C11orf65: variants seen among roughly 807,000 people sequenced by gnomAD.
C11orf65 encodes chromosome 11 open reading frame 65.
A neutral mutation model predicts 35.3 loss-of-function variants in C11orf65; 38 were observed. The ratio of observed to expected loss-of-function variants is 1.08; its 90% CI spans 0.83 to 1.41. The LOEUF (loss-of-function observed/expected upper bound fraction) is 1.41, where lower values mean the gene tolerates loss of function less well. Ranked by LOEUF, C11orf65 falls within the 40% of genes most tolerant of loss-of-function variation. The pLI is 0.00. For missense variants in C11orf65, 370 were observed against 367.1 expected, an observed-to-expected ratio of 1.01 and a Z score of -0.06; for synonymous variants, 105 against 114.4, an observed-to-expected ratio of 0.92 and a Z score of 0.53.
chr11:108,433,453 G>A (rs945429081), intron 2 of C11orf65, among the ~76,000 whole-genome samples: 3 of 151,954 alleles, frequency 2.0e-5, no homozygotes, highest in African/African-American at 4.8e-5. Flanking sequence ...GGTGGCAGGC[G>A]CCTGCAGTCC....
In C11orf65 at chr11:108,334,931, A is replaced by G. The variant is rs200440370; in HGVS notation, c.299+289T>C. ...ATTTTTCTTTAAGTGCAAATAGTGT[A>G]TCTGACCTATTATCAATCATGTTTA... On this transcript the variant is annotated intron_variant, in intron 3 of 3. Coordinates refer to the C11orf65 transcript ENST00000524755. The G allele has an allele frequency of 3.7e-4, 591 of 1,590,306 alleles. 3 individuals are homozygous for G. In the African/African-American group the frequency reaches 6.8e-3, roughly 18 times the overall value.
chr11:108,377,320 T>G (rs1190383240), intron 2 of C11orf65, among the ~76,000 whole-genome samples: 1 of 152,158 alleles, frequency 6.6e-6, no homozygotes, highest in African/African-American at 2.4e-5. Context: ...GCCAGGCTGG[T>G]TCAATGTACG....
At chr11:108,381,276 C>A (rs1217195415), downstream of C11orf65, among the ~76,000 whole-genome samples, 1 of 152,184 alleles carries the variant, frequency 6.6e-6, no homozygotes, top group Non-Finnish European at 1.5e-5. Flanking sequence ...CTTGTTCCTA[C>A]AAGTTGAGAC....
chr11:108,413,916 CA>C (rs1425034705), intron 3 of C11orf65, among the ~76,000 whole-genome samples: 6 of 152,106 alleles, frequency 3.9e-5, no homozygotes, highest in Admixed American at 3.9e-4. Context: ...TCAGCAAAAA[CA>C]GAGCTTACAG....
intron 6 of C11orf65, among the ~76,000 whole-genome samples, chr11:108,395,053 C>G (rs1199405646): frequency 3.9e-5 from 6 of 151,962 alleles, no homozygotes; most frequent in Non-Finnish European, 8.8e-5. Context: ...ATTGTTTGAG[C>G]CCAGAAGTTC....
chr11:108,383,496 C>T (rs977666540), intron 8 of C11orf65, among the ~76,000 whole-genome samples: 5 of 152,202 alleles, frequency 3.3e-5, no homozygotes, highest in Non-Finnish European at 7.3e-5. Context: ...ACCGCACCTA[C>T]CTCATCATAT....
intron 2 of C11orf65, chr11:108,368,941 T>C: frequency 5.2e-6 from 1 of 191,718 alleles, no homozygotes; most frequent in Non-Finnish European, 1.1e-5. Context: ...AAAGCCAGTA[T>C]ATTGGTTTGA....
chr11:108,418,119 A>C (rs934355660), intron 3 of C11orf65, among the ~76,000 whole-genome samples: 1 of 152,172 alleles, frequency 6.6e-6, no homozygotes, highest in Admixed American at 6.5e-5. Flanking sequence ...AATATATACA[A>C]ACCACCAGAA....
chr11:108,366,773 C>G (rs564239571), intron 2 of C11orf65: 1 of 230,548 alleles, frequency 4.3e-6, no homozygotes, highest in South Asian at 1.8e-4. Context: ...TTGATTGATG[C>G]CTTTTTCACT....
chr11:108,450,299 TTATAAA>T (rs2093328754), intron 2 of C11orf65, among the ~76,000 whole-genome samples: 1 of 151,008 alleles, frequency 6.6e-6, no homozygotes, highest in South Asian at 2.1e-4. Context: ...ACCCAAAGGA[TTATAAA>T]TATAAAGACA....
At position 108,316,144 on chromosome 11, in the gene C11orf65, TCACTAGTGTAGTGCTGAGGTTA is replaced by T. The variant is rs775580315; in HGVS notation, c.641-7095_641-7074del. The T allele has an allele frequency of 2.1e-4, 328 of 1,579,278 alleles. 2 individuals are homozygous for T. The East Asian group carries it at 7.3e-3, about 35-fold the overall frequency. ...TTTTTTCCCAGATTTGGTAAAGCCA[TCACTAGTGTAGTGCTGAGGTTA>T]TTTCAGTATGTTGGTGGATATTTAC... On this transcript the variant is annotated intron_variant, in intron 6 of 6. Transcript: ENST00000525729.
chr11:108,434,776 C>T (rs1235784448), intron 2 of C11orf65, among the ~76,000 whole-genome samples: 1 of 152,340 alleles, frequency 6.6e-6, no homozygotes, highest in East Asian at 1.9e-4. Flanking sequence ...AGTGTTTCCA[C>T]AAAAACCTTC....
upstream of C11orf65, among the ~76,000 whole-genome samples, chr11:108,469,213 TAAA>T (rs35050634): frequency 7.6e-6 from 1 of 132,330 alleles, no homozygotes; most frequent in Non-Finnish European, 1.7e-5. Flanking sequence ...AGATTCCCTC[TAAA>T]AAAAAAAAAA....
At chr11:108,430,909 C>T (rs1240926671) in intron 3 of C11orf65, among the ~76,000 whole-genome samples, 1 of 75,568 alleles carries the variant, frequency 1.3e-5, no homozygotes, top group African/African-American at 1.0e-4. Context: ...CACACACACA[C>T]ACACACACAC....
exon 7 of C11orf65, chr11:108,308,919 T>C: frequency 9.2e-7 from 1 of 1,082,514 alleles, no homozygotes; most frequent in Non-Finnish European, 1.4e-6. Context: ...GGAGAGCATT[T>C]GTTTTCTTGG....
chr11:108,460,391 A>C (rs1311421740), intron 2 of C11orf65, among the ~76,000 whole-genome samples: 1 of 152,176 alleles, frequency 6.6e-6, no homozygotes, highest in Non-Finnish European at 1.5e-5. Context: ...TCAACTTGGA[A>C]TATTCCTTAC....
At chr11:108,348,201 GAA>G (rs1211247570) in intron 2 of C11orf65, among the ~76,000 whole-genome samples, 1 of 151,614 alleles carries the variant, frequency 6.6e-6, no homozygotes, top group Non-Finnish European at 1.5e-5. Flanking sequence ...ATATAAGAAA[GAA>G]AGAATATATA....
intron 2 of C11orf65, among the ~76,000 whole-genome samples, chr11:108,447,116 C>T (rs2093274423): frequency 6.6e-6 from 1 of 152,160 alleles, no homozygotes; most frequent in East Asian, 1.9e-4. Flanking sequence ...AATACAGGAG[C>T]ACCAAGATTC....
chr11:108,400,460 AG>A (rs1487307318), intron 6 of C11orf65, among the ~76,000 whole-genome samples: 1 of 152,212 alleles, frequency 6.6e-6, no homozygotes, highest in Non-Finnish European at 1.5e-5. Context: ...CAGATGTACA[AG>A]CCCCTGGGGA....
Sources: allele counts gnomAD v4.1 joint callset (sites outside exome capture counted in the v4.1 genomes callset), GRCh38; gene constraint gnomAD v4.1.1; transcripts MANE v1.5; gene names NCBI Gene and HGNC (gene_info 2026-07-23, HGNC 2026-07-21).